ADGRB3: variants seen among roughly 807,000 people sequenced by gnomAD.
ADGRB3 encodes adhesion G protein-coupled receptor B3, also known as brain-specific angiogenesis inhibitor 3.
Under a neutral mutation model 193.4 loss-of-function variants are expected in ADGRB3, and 37 were observed. The ratio of observed to expected loss-of-function variants is 0.19; its 90% CI spans 0.15 to 0.25. The LOEUF (loss-of-function observed/expected upper bound fraction) is 0.25, where lower values mean the gene tolerates loss of function less well. Among genes scored for constraint, ADGRB3 ranks in the 10% least tolerant of loss-of-function variants. The pLI is 1.00. For synonymous variants in ADGRB3, 690 were observed against 644.2 expected, an observed-to-expected ratio of 1.07 and a Z score of -1.08; for missense variants, 1,637 against 1,852.9, an observed-to-expected ratio of 0.88 and a Z score of 2.14.
At chr6:68,785,999 G>T (rs1483914294) in intron 3 of ADGRB3, among the ~76,000 whole-genome samples, 1 of 151,558 alleles carries the variant, frequency 6.6e-6, no homozygotes, top group Admixed American at 6.6e-5. Flanking sequence ...CTTTTTGATG[G>T]GGTTGTTTTT....
At chr6:69,160,235 C>T (rs890546164) in intron 17 of ADGRB3, among the ~76,000 whole-genome samples, 1 of 152,086 alleles carries the variant, frequency 6.6e-6, no homozygotes, top group Non-Finnish European at 1.5e-5. Flanking sequence ...CATGTCTTCC[C>T]ATCCCATGCA....
chr6:69,277,786 C>T (rs189247013), intron 20 of ADGRB3, among the ~76,000 whole-genome samples: 86 of 152,290 alleles, frequency 5.6e-4, no homozygotes, highest in African/African-American at 2.0e-3. Flanking sequence ...TGCCCACAGA[C>T]TTTGGGAAAA....
At chr6:68,893,571 G>T (rs1189528224) in intron 3 of ADGRB3, among the ~76,000 whole-genome samples, 2 of 147,676 alleles carry the variant, frequency 1.4e-5, no homozygotes, top group Non-Finnish European at 3.0e-5. Context: ...CTGTCCCACT[G>T]CTATGAATGA....
chr6:68,945,616 G>A (rs959443151), intron 6 of ADGRB3, among the ~76,000 whole-genome samples: 11 of 152,072 alleles, frequency 7.2e-5, no homozygotes, highest in Non-Finnish European at 1.6e-4. Context: ...TAAAAGACAA[G>A]AACTAACTAT....
intron 17 of ADGRB3, among the ~76,000 whole-genome samples, chr6:69,134,432 A>G (rs536128145): frequency 2.6e-4 from 40 of 152,204 alleles, no homozygotes; most frequent in African/African-American, 7.7e-4. Flanking sequence ...TGTTTTGCCA[A>G]TTGCACTGTG....
chr6:69,362,376 G>C (rs1047123213), intron 29 of ADGRB3, among the ~76,000 whole-genome samples: 16 of 151,846 alleles, frequency 1.1e-4, no homozygotes, highest in African/African-American at 3.9e-4. Flanking sequence ...ATAATTAGTT[G>C]CCTGCCCTTT....
chr6:68,837,287 A>G (rs1485871715), intron 3 of ADGRB3, among the ~76,000 whole-genome samples: 2 of 152,310 alleles, frequency 1.3e-5, no homozygotes, highest in East Asian at 1.9e-4. Context: ...GTGTGAGACT[A>G]TAAGAATAAA....
At chr6:69,353,130 A>T (rs991188624) in intron 26 of ADGRB3, among the ~76,000 whole-genome samples, 1 of 152,222 alleles carries the variant, frequency 6.6e-6, no homozygotes, top group Non-Finnish European at 1.5e-5. Context: ...GAACAGGCTG[A>T]TGCTGAGACA....
intron 17 of ADGRB3, among the ~76,000 whole-genome samples, chr6:69,173,138 A>T (rs1306268025): frequency 6.6e-6 from 1 of 152,194 alleles, no homozygotes; most frequent in East Asian, 1.9e-4. Context: ...CCCGGGTTCA[A>T]GTGATTCTCC....
In ADGRB3 at chr6:69,361,158, C is replaced by T. The variant is rs61740403; in HGVS notation, c.3885C>T (p.Asp1295=). The change falls in exon 29 of 32, where the codon GAC becomes GAT. Residue 1295 remains aspartate, a synonymous_variant. Coordinates refer to ENST00000370598, the MANE Select transcript of ADGRB3 (RefSeq NM_001704.3). ...TDDNLRGADM[D]IVHPQERMME... is the part of the protein sequence containing the mutation. ...ATAATTTGAGAGGGGCTGACATGGA[C>T]ATAGTCCATCCTCAAGAAAGAATGA... 1.6e-4 allele frequency: 265 copies of T among 1,612,790 alleles called. No individual in the cohort carries two copies. The Middle Eastern group carries it at 3.0e-3, about 18-fold the overall frequency.
chr6:69,346,683 C>G (rs1317563200), intron 26 of ADGRB3, among the ~76,000 whole-genome samples: 1 of 152,130 alleles, frequency 6.6e-6, no homozygotes, highest in Non-Finnish European at 1.5e-5. Flanking sequence ...GAATGGTGAT[C>G]ATTAAAAAGT....
chr6:68,757,097 A>G lies in ADGRB3; in HGVS notation c.757+117665A>G, dbSNP rs545305807. On this transcript the variant is annotated intron_variant, in intron 3 of 31. Transcript: ENST00000370598. ...TTGATAATTACTTCAACTTCCCTCC[A>G]ATTTGGTTATAAATTTCCTTTATTC... is the stretch of plus-strand genomic sequence containing the variant. 2.0e-5 allele frequency among the ~76,000 whole-genome samples: 3 copies of G among 152,100 alleles called. No homozygotes were observed. The South Asian group carries it at 6.2e-4, about 32-fold the overall frequency.
Position 68,710,493 on chromosome 6 carries a change from T to C in ADGRB3, c.757+71061T>C, listed in dbSNP as rs372962787. On this transcript the variant is annotated intron_variant, in intron 3 of 31. Transcript: ENST00000370598. ...ATCTGGTCTCTCTCCTGGCTGCAGATGTGCTTTTGCTGAGTGTTTAAAGAA... is the reference window on the plus strand; with the variant it reads ...ATCTGGTCTCTCTCCTGGCTGCAGACGTGCTTTTGCTGAGTGTTTAAAGAA... 2.2e-4 allele frequency among the ~76,000 whole-genome samples: 34 copies of C among 152,292 alleles called. 1 individual carries two copies. The East Asian group carries it at 5.4e-3, about 24-fold the overall frequency.
chr6:68,691,300 G>T (rs1240061693), intron 3 of ADGRB3, among the ~76,000 whole-genome samples: 1 of 152,012 alleles, frequency 6.6e-6, no homozygotes, highest in African/African-American at 2.4e-5. Flanking sequence ...TGAAATAGCT[G>T]CTGACTTTGT....
chr6:68,669,928 T>G (rs1240212721), intron 3 of ADGRB3, among the ~76,000 whole-genome samples: 1 of 151,972 alleles, frequency 6.6e-6, no homozygotes, highest in Admixed American at 6.6e-5. Flanking sequence ...CCTTGCTAGC[T>G]GTTGTTATTG....
At chr6:69,367,727 A>G (rs1350117053) in intron 29 of ADGRB3, among the ~76,000 whole-genome samples, 1 of 152,012 alleles carries the variant, frequency 6.6e-6, no homozygotes, top group Admixed American at 6.6e-5. Context: ...TCACAATAGC[A>G]AAGACTTGGA....
In ADGRB3 at chr6:68,638,727, G is replaced by A; in HGVS notation, c.52G>A (p.Val18Ile). 1 of 1,614,096 alleles carries A rather than the reference G, an allele frequency of 6.2e-7. No homozygotes were observed. The highest frequency in any genetic ancestry group is 8.5e-7 in the Non-Finnish European group (1 of 1,180,018). Residue 18 changes from valine to isoleucine, a missense_variant, in exon 3 of 32, where the codon GTT (valine) becomes ATT (isoleucine). Physicochemically the swap from Val to Ile is conservative, Grantham distance 29. Coordinates refer to ENST00000370598, the MANE Select transcript of ADGRB3 (RefSeq NM_001704.3). ...LIYIFSTYLL[V>I]MFGFNAAQDF... is the part of the protein sequence containing the mutation. ...TTATATATTTTCCACCTATCTCCTG[G>A]TTATGTTTGGATTTAATGCTGCCCA...
chr6:69,086,656 G>A (rs1337174606), intron 17 of ADGRB3, among the ~76,000 whole-genome samples: 2 of 152,084 alleles, frequency 1.3e-5, no homozygotes, highest in Non-Finnish European at 2.9e-5. Flanking sequence ...GAGGGAAATA[G>A]GAGTGGCAAT....
chr6:69,322,754 C>A (rs975916793), intron 20 of ADGRB3, among the ~76,000 whole-genome samples: 4 of 151,794 alleles, frequency 2.6e-5, no homozygotes, highest in African/African-American at 7.3e-5. Flanking sequence ...GTTAGTTTTG[C>A]GACTTAAACC....
Sources: gnomAD v4.1 joint callset for allele counts (sites outside exome capture counted in the v4.1 genomes callset) on GRCh38, gnomAD v4.1.1 for gene constraint, MANE v1.5 for transcripts, NCBI Gene and HGNC (gene_info 2026-07-23, HGNC 2026-07-21) for gene names.